The following ADAMTS17 variants were observed in gnomAD, a reference collection of about 807,000 sequenced individuals.
ADAMTS17 encodes ADAM metallopeptidase with thrombospondin type 1 motif 17.
ADAMTS17 carries 113 observed loss-of-function variants against 141.5 expected under a neutral mutation model. That is an observed-to-expected ratio of 0.80 (90% CI 0.69 to 0.93). The LOEUF (loss-of-function observed/expected upper bound fraction) is 0.93, where lower values mean the gene tolerates loss of function less well. ADAMTS17 is among the 40% of genes least tolerant of loss of function. ADAMTS17 has a pLI of 0.00. For synonymous variants in ADAMTS17, 768 were observed against 630.6 expected (o/e 1.22, Z -3.27); for missense variants, 1,659 against 1,517.9 (o/e 1.09, Z -1.54).
chr15:100,112,094 G>A (rs1286151272), intron 13 of ADAMTS17, among the ~76,000 whole-genome samples: 1 of 152,260 alleles, frequency 6.6e-6, no homozygotes, highest in Non-Finnish European at 1.5e-5. Flanking sequence ...AGCAGAGGCT[G>A]TTTTGAGGCA....
intron 2 of ADAMTS17, 31 bp downstream of exon 2, chr15:100,341,008 C>A (rs773041501): frequency 1.3e-6 from 2 of 1,524,074 alleles, no homozygotes. Flanking sequence ...ACAGACCGGA[C>A]GGGCCGACCC....
intron 3 of ADAMTS17, among the ~76,000 whole-genome samples, chr15:100,286,818 A>T (rs1022674799): frequency 1.3e-5 from 2 of 152,198 alleles, no homozygotes; most frequent in African/African-American, 2.4e-5. Context: ...ACAGACACAG[A>T]ATTCAGAATA....
intron 18 of ADAMTS17, among the ~76,000 whole-genome samples, chr15:99,998,659 T>G (rs962059571): frequency 6.6e-6 from 1 of 152,180 alleles, no homozygotes; most frequent in African/African-American, 2.4e-5. Context: ...AGCCTGATGA[T>G]CCGATGCATT....
At chr15:100,282,879 T>C (rs118028292) in intron 3 of ADAMTS17, among the ~76,000 whole-genome samples, 2,419 of 152,288 alleles carry the variant, frequency 0.016, 22 homozygotes, top group African/African-American at 0.019. Context: ...TCTGCATGTA[T>C]AGTTAGATCA....
chr15:100,083,532 T>A (rs1439803951), intron 15 of ADAMTS17, among the ~76,000 whole-genome samples: 2 of 152,074 alleles, frequency 1.3e-5, no homozygotes, highest in African/African-American at 4.8e-5. Flanking sequence ...TGTTCAATCA[T>A]CCAGAAAGAA....
chr15:100,327,902 C>T (rs539829639), intron 3 of ADAMTS17, among the ~76,000 whole-genome samples: 10 of 152,198 alleles, frequency 6.6e-5, no homozygotes, highest in Non-Finnish European at 1.3e-4. Context: ...ATGGCCTTTG[C>T]CGTGTCAGTC....
At chr15:100,341,566 C>T (rs1165099474) in intron 1 of ADAMTS17, among the ~76,000 whole-genome samples, 157 bp from the exon 2 acceptor site, 1 of 149,310 alleles carries the variant, frequency 6.7e-6, no homozygotes, top group Non-Finnish European at 1.5e-5. Context: ...CCCGCGCCAC[C>T]CGGGGAGGGT....
intron 11 of ADAMTS17, among the ~76,000 whole-genome samples, chr15:100,132,989 C>G (rs1205732509): frequency 6.6e-6 from 1 of 152,172 alleles, no homozygotes; most frequent in Non-Finnish European, 1.5e-5. Context: ...AGGAGTTAAT[C>G]TAACAAAAAT....
At position 100,091,010 on chromosome 15, in the gene ADAMTS17, C is replaced by CA. The variant is rs556800178; in HGVS notation, c.2137+5345dup. On this transcript the variant is annotated intron_variant, in intron 15 of 21. Transcript: ENST00000268070. ...GAGGCAGAGTGAGACTCCGTCTCAA[C>CA]AAAAAAAAAAAAAAAAAAGGGTAAC... Among the ~76,000 whole-genome samples, 374 of 54,610 alleles carry CA rather than the reference C, an allele frequency of 6.8e-3. 6 individuals carry two copies. Among genetic ancestry groups the CA allele is most frequent in the East Asian group, 0.013 (24 of 1,790 alleles). The allele number at this position is 54,610 out of a possible 152,430, so 35.8% of individuals were successfully genotyped here.
chr15:100,130,357 C>T (rs993337286), intron 12 of ADAMTS17, among the ~76,000 whole-genome samples: 10 of 148,558 alleles, frequency 6.7e-5, no homozygotes, highest in Non-Finnish European at 1.2e-4. Context: ...GAGTGAGGCT[C>T]CATCTCAAAA....
At chr15:100,183,639 T>C (rs1358081637) in intron 8 of ADAMTS17, among the ~76,000 whole-genome samples, 1 of 152,238 alleles carries the variant, frequency 6.6e-6, no homozygotes, top group Non-Finnish European at 1.5e-5. Context: ...AGCTGACTGA[T>C]TTTTCTCAAA....
intron 8 of ADAMTS17, among the ~76,000 whole-genome samples, chr15:100,197,127 C>T (rs1325952856): frequency 2.6e-5 from 4 of 152,184 alleles, no homozygotes; most frequent in Non-Finnish European, 5.9e-5. Context: ...CCGGCACACT[C>T]GAACAGGTCA....
chr15:100,213,311 T>C (rs1190207357), intron 7 of ADAMTS17, among the ~76,000 whole-genome samples: 6 of 152,210 alleles, frequency 3.9e-5, no homozygotes, highest in Non-Finnish European at 5.9e-5. Context: ...ACTGGATTTG[T>C]TTTGGGTTGA....
At chr15:100,082,925 T>C (rs1339644421) in intron 15 of ADAMTS17, among the ~76,000 whole-genome samples, 1 of 152,154 alleles carries the variant, frequency 6.6e-6, no homozygotes, top group Non-Finnish European at 1.5e-5. Flanking sequence ...GAGCTGTTGC[T>C]GTGTTGGCAA....
At chr15:100,339,175 C>T (rs2046292061) in intron 2 of ADAMTS17, 2 of 984,922 alleles carry the variant, frequency 2.0e-6, no homozygotes, top group South Asian at 4.7e-5. Context: ...GCACAGCACC[C>T]TCACATGGTG....
intron 3 of ADAMTS17, among the ~76,000 whole-genome samples, chr15:100,308,114 T>C (rs2045286666): frequency 6.6e-6 from 1 of 152,176 alleles, no homozygotes; most frequent in African/African-American, 2.4e-5. Context: ...TTAAAACAAC[T>C]TTTCAATGAC....
At chr15:100,107,110 G>T (rs768061518) in intron 14 of ADAMTS17, among the ~76,000 whole-genome samples, 7 of 152,194 alleles carry the variant, frequency 4.6e-5, no homozygotes, top group Non-Finnish European at 8.8e-5. Context: ...GGCCTTAGCA[G>T]GAAAAAGCAT....
Position 100,199,438 on chromosome 15 carries a change from C to T in ADAMTS17, c.1076-15G>A, listed in dbSNP as rs776270030. The T allele has an allele frequency of 6.2e-7, 1 of 1,609,056 alleles. No individual in the cohort carries two copies. On this transcript the variant is annotated splice_polypyrimidine_tract_variant and intron_variant, in intron 7 of 21. Transcript: ENST00000268070. Reference sequence around the variant, plus strand: ...GTAAGCAATTCCTGCAGCAGAGACACAAAACACATCCTCTTCAGAACGTGG... The same window carrying T: ...GTAAGCAATTCCTGCAGCAGAGACATAAAACACATCCTCTTCAGAACGTGG...
chr15:100,195,793 C>T (rs1368407481), intron 8 of ADAMTS17, among the ~76,000 whole-genome samples: 1 of 152,120 alleles, frequency 6.6e-6, no homozygotes. Context: ...CTGAAAGTAC[C>T]TTGGTTTTTG....
Sources: gnomAD v4.1 joint callset for allele counts (sites outside exome capture counted in the v4.1 genomes callset) on GRCh38, gnomAD v4.1.1 for gene constraint, MANE v1.5 for transcripts, NCBI Gene and HGNC (gene_info 2026-07-23, HGNC 2026-07-21) for gene names.